IRF2: variants seen among roughly 807,000 people sequenced by gnomAD.
The protein encoded by IRF2 is interferon regulatory factor 2.
IRF2 carries 15 observed loss-of-function variants against 40.6 expected under a neutral mutation model. That is an observed-to-expected ratio of 0.37 (90% CI 0.25 to 0.57). The LOEUF is 0.57. IRF2 is among the 20% of genes least tolerant of loss of function. The pLI is 0.77. For synonymous variants in IRF2, 151 were observed against 165.5 expected (o/e 0.91, Z 0.67); for missense variants, 317 against 455.7 (o/e 0.70, Z 2.77).
chr4:184,419,514 C>T lies in IRF2; in HGVS notation c.142G>A (p.Val48Met), dbSNP rs567811859. 2 of 1,609,342 alleles carry T rather than the reference C, an allele frequency of 1.2e-6. No individual in the cohort carries two copies. The highest frequency in any genetic ancestry group is 1.3e-5 in the African/African-American group (1 of 74,080). ...CTAAAGAGTGGTGCATCTTTTTCCACATCCCACCCATGTCTAGCCGCATGC... is the reference window on the plus strand; with the variant it reads ...CTAAAGAGTGGTGCATCTTTTTCCATATCCCACCCATGTCTAGCCGCATGC... ...WMHAARHGWD[V>M]EKDAPLFRNW... Residue 48 changes from valine to methionine, a missense_variant, in exon 3 of 9, where the codon GTG becomes ATG. By Grantham distance (21) the Val-to-Met change is conservative. Around this residue, in one of 2 missense-constraint regions of IRF2, gnomAD observed 55 missense variants for 121.7 expected, o/e 0.45. Coordinates refer to ENST00000393593, the MANE Select transcript of IRF2 (RefSeq NM_002199.4).
chr4:184,471,135 T>C (rs1739499585), intron 1 of IRF2, among the ~76,000 whole-genome samples: 2 of 152,254 alleles, frequency 1.3e-5, no homozygotes, highest in Admixed American at 1.3e-4. Flanking sequence ...AATAATCTGA[T>C]ATAATTTTGA....
chr4:184,419,275 T>C (rs559620887), intron 3 of IRF2, among the ~76,000 whole-genome samples, 194 bp downstream of exon 3: 13 of 151,666 alleles, frequency 8.6e-5, no homozygotes, highest in Non-Finnish European at 1.6e-4. Context: ...GGACTAAGAG[T>C]GTATGGGATG....
At chr4:184,473,238 G>T (rs1446377169) in intron 1 of IRF2, among the ~76,000 whole-genome samples, 1 of 150,564 alleles carries the variant, frequency 6.6e-6, no homozygotes, top group Non-Finnish European at 1.5e-5. Context: ...GCGGGCACTC[G>T]CGTCCCCACC....
At chr4:184,410,296 A>C (rs1335315035) in intron 5 of IRF2, among the ~76,000 whole-genome samples, 4 of 152,208 alleles carry the variant, frequency 2.6e-5, no homozygotes, top group Admixed American at 2.6e-4. Flanking sequence ...GTGAAGATTA[A>C]ATGAGCTAAC....
rs190454063 is a variant in IRF2, at chr4:184,431,354, T to G, written c.-6-2284A>C. ...GGGAAAGATGACATTCCCTGCCATCTAGGAACTCCCAACCTAACAGGACAC... is the reference window on the plus strand; with the variant it reads ...GGGAAAGATGACATTCCCTGCCATCGAGGAACTCCCAACCTAACAGGACAC... On this transcript the variant is annotated intron_variant, in intron 1 of 8. Coordinates refer to ENST00000393593, the MANE Select transcript of IRF2 (RefSeq NM_002199.4). Among the ~76,000 whole-genome samples the G allele has an allele frequency of 2.7e-4, 41 of 152,292 alleles. No homozygotes were observed. The East Asian group carries it at 7.3e-3, about 27-fold the overall frequency.
chr4:184,461,474 T>C (rs1279944220), intron 1 of IRF2, among the ~76,000 whole-genome samples: 2 of 152,180 alleles, frequency 1.3e-5, no homozygotes, highest in Non-Finnish European at 2.9e-5. Flanking sequence ...TGCCTAATTG[T>C]GTTTTCTCTA....
chr4:184,422,320 C>T (rs2149901629), intron 2 of IRF2, among the ~76,000 whole-genome samples: 1 of 152,344 alleles, frequency 6.6e-6, no homozygotes, highest in South Asian at 2.1e-4. Context: ...CTGGAATCCT[C>T]ACACATCGCT....
intron 2 of IRF2, among the ~76,000 whole-genome samples, chr4:184,423,325 G>A (rs1479645218): frequency 6.6e-6 from 1 of 152,182 alleles, no homozygotes; most frequent in East Asian, 1.9e-4. Flanking sequence ...CTGAAGGAAG[G>A]CAGGAGAGAT....
chr4:184,446,033 G>A (rs570744405), intron 1 of IRF2, among the ~76,000 whole-genome samples: 9 of 152,106 alleles, frequency 5.9e-5, no homozygotes, highest in African/African-American at 2.2e-4. Flanking sequence ...GACAGAGGCA[G>A]GCATTAGAGT....
At chr4:184,421,058 G>A (rs1737464214) in intron 2 of IRF2, among the ~76,000 whole-genome samples, 1 of 152,130 alleles carries the variant, frequency 6.6e-6, no homozygotes, top group African/African-American at 2.4e-5. Flanking sequence ...AGGCAGTTCT[G>A]GTAATTGCTA....
chr4:184,464,567 G>T (rs1376786599), intron 1 of IRF2, among the ~76,000 whole-genome samples: 1 of 152,196 alleles, frequency 6.6e-6, no homozygotes, highest in African/African-American at 2.4e-5. Context: ...CACTTACCAT[G>T]AGAATTAGAT....
intron 7 of IRF2, among the ~76,000 whole-genome samples, chr4:184,397,951 C>G (rs1447199494): frequency 6.6e-6 from 1 of 152,190 alleles, no homozygotes; most frequent in Non-Finnish European, 1.5e-5. Context: ...GTTCCTCCCC[C>G]TGTGACTCTG....
At chr4:184,393,687 C>T (rs746121088) in intron 7 of IRF2, among the ~76,000 whole-genome samples, 4 of 152,190 alleles carry the variant, frequency 2.6e-5, no homozygotes, top group South Asian at 4.1e-4. Flanking sequence ...TAAAGAGCGT[C>T]GTGTCTAGAT....
At chr4:184,449,993 T>C (rs1015727167) in intron 1 of IRF2, among the ~76,000 whole-genome samples, 1 of 152,214 alleles carries the variant, frequency 6.6e-6, no homozygotes, top group Non-Finnish European at 1.5e-5. Flanking sequence ...CTAGGTATAC[T>C]GACGCAGGCT....
chr4:184,418,347 G>C (rs1329378769), intron 4 of IRF2, 134 bp from the exon 5 acceptor site: 1 of 964,200 alleles, frequency 1.0e-6, no homozygotes, highest in Non-Finnish European at 1.7e-6. Flanking sequence ...AATTCCACAT[G>C]TATCTTTCAC....
rs1322610676 is a variant in IRF2 at position 184,425,286 on chromosome 4, T to C, written c.87+3692A>G. On this transcript the variant is annotated intron_variant, in intron 2 of 8. Transcript: ENST00000393593. Reference sequence around the variant, plus strand: ...AGAACATTAGGCTCTCAGTTAAGTATTTATATGGACAGATGAATGCCAACA... The same window carrying C: ...AGAACATTAGGCTCTCAGTTAAGTACTTATATGGACAGATGAATGCCAACA... 3.9e-5 allele frequency among the ~76,000 whole-genome samples: 6 copies of C among 152,168 alleles called. No individual in the cohort carries two copies. The East Asian group carries it at 1.2e-3, about 29-fold the overall frequency.
intron 7 of IRF2, among the ~76,000 whole-genome samples, chr4:184,391,867 C>T (rs1378791793): frequency 1.3e-5 from 2 of 152,200 alleles, no homozygotes; most frequent in African/African-American, 4.8e-5. Flanking sequence ...GTTTTCTCCT[C>T]TGTAAAATGA....
chr4:184,454,197 T>C (rs1292692707), intron 1 of IRF2, among the ~76,000 whole-genome samples: 1 of 152,228 alleles, frequency 6.6e-6, no homozygotes, highest in Non-Finnish European at 1.5e-5. Context: ...TGCTTCTTGC[T>C]GCCACTTTTC....
intron 2 of IRF2, 57 bp downstream of exon 2, chr4:184,428,921 A>G (rs911228417): frequency 1.0e-5 from 14 of 1,353,876 alleles, no homozygotes; most frequent in Admixed American, 8.4e-5. Flanking sequence ...AGCAGTCCGC[A>G]TGGGCGTGTT....
Sources: allele counts gnomAD v4.1 joint callset (sites outside exome capture counted in the v4.1 genomes callset), GRCh38; gene constraint gnomAD v4.1.1; regional missense constraint gnomAD v4.1.1; transcripts MANE v1.5; gene names NCBI Gene and HGNC (gene_info 2026-07-23, HGNC 2026-07-21).